The following XPO1 variants were observed in gnomAD, a reference collection of about 807,000 sequenced individuals.
The protein encoded by XPO1 is exportin-1.
XPO1 carries 5 observed loss-of-function variants against 133.3 expected under a neutral mutation model. That is an observed-to-expected ratio of 0.04 (90% confidence interval 0.02 to 0.08). XPO1 has a LOEUF of 0.08. XPO1 is among the 10% of genes least tolerant of loss of function. XPO1 has a pLI of 1.00. For missense variants in XPO1, 506 were observed against 1,267.5 expected (o/e 0.40, Z 9.12); for synonymous variants, 419 against 408.2 (o/e 1.03, Z -0.32).
intron 20 of XPO1, chr2:61,484,342 T>A: frequency 2.2e-6 from 1 of 444,648 alleles, no homozygotes; most frequent in Non-Finnish European, 4.0e-6. Context: ...ACCTTTTTAA[T>A]AGAGAACTCA....
intron 4 of XPO1, among the ~76,000 whole-genome samples, chr2:61,503,773 G>T (rs1451300363): frequency 6.6e-6 from 1 of 152,182 alleles, no homozygotes; most frequent in Non-Finnish European, 1.5e-5. Flanking sequence ...CACCATGTTG[G>T]CTAGGCTGGT....
At chr2:61,519,184 C>CAG (rs1558668302) in intron 4 of XPO1, among the ~76,000 whole-genome samples, 1 of 152,086 alleles carries the variant, frequency 6.6e-6, no homozygotes, top group Non-Finnish European at 1.5e-5. Context: ...CTCCTGACCT[C>CAG]GTTATCTGCC....
intron 9 of XPO1, among the ~76,000 whole-genome samples, chr2:61,497,432 C>T (rs1284102190): frequency 1.3e-5 from 2 of 152,108 alleles, no homozygotes; most frequent in Non-Finnish European, 2.9e-5. Context: ...AGGCTGGTCT[C>T]GATCTCCTGA....
chr2:61,480,699 A>G (rs1005792077), intron 24 of XPO1: 4 of 152,174 alleles, frequency 2.6e-5, no homozygotes, highest in Non-Finnish European at 4.4e-5. Context: ...TTCAACAATC[A>G]TGGATAAACT....
chr2:61,496,279 A>G (rs1255545368), intron 10 of XPO1, among the ~76,000 whole-genome samples: 5 of 152,176 alleles, frequency 3.3e-5, no homozygotes, highest in African/African-American at 9.7e-5. Context: ...TAGTGTGACC[A>G]TAGCTCATTT....
chr2:61,483,847 C>T (rs779731852), intron 21 of XPO1, 90 bp downstream of exon 21: 38 of 1,444,402 alleles, frequency 2.6e-5, no homozygotes, highest in Non-Finnish European at 3.3e-5. Context: ...ACTCAAAACT[C>T]TGAACAAGTA....
chr2:61,533,872 G>A lies in XPO1; in HGVS notation c.26C>T (p.Ala9Val), dbSNP rs1184668972. 6.3e-7 allele frequency: 1 copy of A among 1,593,854 alleles called. No homozygotes were observed. The highest frequency in any genetic ancestry group is 8.5e-7 in the Non-Finnish European group (1 of 1,173,106). The change falls in exon 2 of 25, where the codon GCA (alanine) becomes GTA (valine). Residue 9 changes from alanine to valine, a missense_variant. Around this residue, in one of 6 missense-constraint regions of XPO1, gnomAD observed 20 missense variants for 20.4 expected, o/e 0.98. Coordinates refer to ENST00000401558, the MANE Select transcript of XPO1 (RefSeq NM_003400.4). MPAIMTML[A>V]DHAARQLLDF... ...AAGCAGCTGACGAGCTGCATGGTCT[G>A]CTAACATTGTCATAATTGCTGGCAT...
At chr2:61,500,091 T>G (rs1394560905) in intron 6 of XPO1, among the ~76,000 whole-genome samples, 197 bp from the exon 7 acceptor site, 1 of 152,200 alleles carries the variant, frequency 6.6e-6, no homozygotes, top group Non-Finnish European at 1.5e-5. Context: ...TCTTTTATCT[T>G]AATCACCGCA....
At chr2:61,522,461 A>G in intron 4 of XPO1, 150 bp downstream of exon 4, 1 of 672,112 alleles carries the variant, frequency 1.5e-6, no homozygotes, top group Non-Finnish European at 2.5e-6. Flanking sequence ...CCACCAATAC[A>G]AACAGACCTG....
chr2:61,488,806 T>C (rs1696816509), intron 17 of XPO1, 35 bp from the exon 18 acceptor site: 1 of 1,607,112 alleles, frequency 6.2e-7, no homozygotes. Context: ...ATTTATCATA[T>C]AAGAATTATC....
chr2:61,503,835 G>A (rs933784062), intron 4 of XPO1, among the ~76,000 whole-genome samples: 1 of 152,180 alleles, frequency 6.6e-6, no homozygotes, highest in Admixed American at 6.6e-5. Context: ...CCAGACTGCT[G>A]GGATTATAGG....
intron 4 of XPO1, among the ~76,000 whole-genome samples, chr2:61,510,700 G>T (rs1698046513): frequency 6.6e-6 from 1 of 152,150 alleles, no homozygotes; most frequent in Non-Finnish European, 1.5e-5. Context: ...CACTTTGGGA[G>T]GCTGAGGCAG....
intron 1 of XPO1, chr2:61,536,810 T>G (rs1699373988): frequency 6.6e-6 from 1 of 152,334 alleles, no homozygotes; most frequent in Admixed American, 6.5e-5. Context: ...AGGTCCGGGC[T>G]GAGCCAGTAC....
At position 61,499,563 on chromosome 2, in the gene XPO1, G is replaced by A. The variant is rs1471618625; in HGVS notation, c.590+150C>T. On this transcript the variant is annotated intron_variant, in intron 7 of 24. Transcript: ENST00000401558. ...AGGTAAATTATTAGGCCCCGTCTAG[G>A]ACTATTTCTTAATCTGCAGTTGAAA... is the stretch of plus-strand genomic sequence containing the variant. 4.2e-6 allele frequency: 3 copies of A among 716,192 alleles called. No homozygotes were observed. The Admixed American group carries it at 1.1e-4, about 25-fold the overall frequency. The allele number at this position is 716,192 out of a possible 1,614,324, so 44.4% of individuals were successfully genotyped here. A position where few individuals can be genotyped will look rare whatever the true frequency, so the allele number is the denominator to read the frequency against.
At chr2:61,509,928 A>C (rs1345634852) in intron 4 of XPO1, among the ~76,000 whole-genome samples, 1 of 152,240 alleles carries the variant, frequency 6.6e-6, no homozygotes, top group Non-Finnish European at 1.5e-5. Context: ...AATTTGGTAC[A>C]TTTCTACATC....
At chr2:61,532,620 G>A (rs931150483) in intron 2 of XPO1, among the ~76,000 whole-genome samples, 5 of 143,462 alleles carry the variant, frequency 3.5e-5, no homozygotes, top group African/African-American at 1.0e-4. Context: ...GGCGGATCAC[G>A]AGGTCAGGAG....
At chr2:61,501,119 G>C (rs1317965095) in intron 6 of XPO1, among the ~76,000 whole-genome samples, 1 of 152,018 alleles carries the variant, frequency 6.6e-6, no homozygotes, top group Non-Finnish European at 1.5e-5. Context: ...TCAGAGAAGG[G>C]CTAACAGAAA....
chr2:61,495,340 C>A, intron 11 of XPO1, 115 bp downstream of exon 11: 1 of 818,000 alleles, frequency 1.2e-6, no homozygotes, highest in Non-Finnish European at 1.7e-6. Context: ...ATGTACTGAT[C>A]AAATATTAAG....
chr2:61,494,799 T>C (rs1400489142), intron 11 of XPO1: 3 of 148,974 alleles, frequency 2.0e-5, no homozygotes, highest in Non-Finnish European at 4.4e-5. Context: ...TATGTTTATA[T>C]ATATATATAC....
Sources: allele counts gnomAD v4.1 joint callset (sites outside exome capture counted in the v4.1 genomes callset), GRCh38; gene constraint gnomAD v4.1.1; regional missense constraint gnomAD v4.1.1; transcripts MANE v1.5; gene names NCBI Gene and HGNC (gene_info 2026-07-23, HGNC 2026-07-21).